Variants in KNTC1 observed in about 807,000 individuals in gnomAD.
The protein encoded by KNTC1 is kinetochore associated 1, also known as kinetochore-associated protein 1.
In KNTC1, 253 loss-of-function variants were observed where a neutral mutation model predicts 314.4. That is an observed-to-expected ratio of 0.80 (90% CI 0.73 to 0.89). The LOEUF is 0.89. Among genes scored for constraint, KNTC1 ranks in the 40% least tolerant of loss-of-function variants. The pLI is 0.00. For missense variants in KNTC1, 2,475 were observed against 2,572.9 expected (o/e 0.96, Z 0.82); for synonymous variants, 901 against 901.4 (o/e 1.00, Z 0.01).
intron 42 of KNTC1, 86 bp from the exon 43 acceptor site, chr12:122,594,190 A>G (rs1273037558): frequency 5.3e-6 from 4 of 753,746 alleles, no homozygotes; most frequent in Non-Finnish European, 9.1e-6. Flanking sequence ...AAGGATACTA[A>G]GAAGGCAAGT....
At chr12:122,552,326 A>G (rs2137784186) in intron 16 of KNTC1, among the ~76,000 whole-genome samples, 2 of 152,248 alleles carry the variant, frequency 1.3e-5, no homozygotes, top group South Asian at 4.2e-4. Flanking sequence ...CCTGCTGATT[A>G]GGTGGGACTA....
chr12:122,584,802 A>G, intron 35 of KNTC1, 91 bp from the exon 36 acceptor site: 2 of 715,564 alleles, frequency 2.8e-6, no homozygotes, highest in East Asian at 2.8e-5. Context: ...GGCCTTCCTT[A>G]GAATTTTAAA....
At chr12:122,591,311 A>G in intron 41 of KNTC1, 26 bp from the exon 42 acceptor site, 1 of 1,168,740 alleles carries the variant, frequency 8.6e-7, no homozygotes, top group Non-Finnish European at 1.3e-6. Flanking sequence ...TTACGATTGA[A>G]CTTTAATTCT....
chr12:122,595,150 A>G (rs968257024), intron 43 of KNTC1, among the ~76,000 whole-genome samples: 2 of 152,376 alleles, frequency 1.3e-5, no homozygotes, highest in African/African-American at 4.8e-5. Context: ...TACTGGGATT[A>G]TAGGCGTGAG....
intron 9 of KNTC1, 45 bp from the exon 10 acceptor site, chr12:122,546,577 A>T: frequency 8.2e-7 from 1 of 1,224,198 alleles, no homozygotes; most frequent in Non-Finnish European, 1.2e-6. Context: ...AGATATATGA[A>T]ATATTGAAAT....
intron 3 of KNTC1, among the ~76,000 whole-genome samples, chr12:122,537,125 C>T (rs531612456): frequency 2.0e-5 from 3 of 152,278 alleles, no homozygotes; most frequent in African/African-American, 7.2e-5. Flanking sequence ...TCCCTCTTTG[C>T]TTTGTTTTCT....
chr12:122,530,323 T>C lies in KNTC1; in HGVS notation c.129+131T>C. 4 of 758,756 alleles carry C rather than the reference T, an allele frequency of 5.3e-6. No homozygotes were observed. In the South Asian group the frequency reaches 8.1e-5, roughly 15 times the overall value. The allele number at this position is 758,756 out of a possible 1,614,324, so 47.0% of individuals were successfully genotyped here. A position where few individuals can be genotyped will look rare whatever the true frequency, so the allele number is the denominator to read the frequency against. On this transcript the variant is annotated intron_variant, in intron 2 of 63. Transcript: ENST00000333479. ...CAGGGAATCAAGATTCAATCTCAGA[T>C]TGCTAGAAATTCACGTCTGAATACC...
chr12:122,577,600 A>G, intron 30 of KNTC1, 72 bp from the exon 31 acceptor site: 1 of 1,385,810 alleles, frequency 7.2e-7, no homozygotes, highest in Non-Finnish European at 9.6e-7. Context: ...TAAATAGAAA[A>G]GAAAGAGGTA....
Position 122,594,383 on chromosome 12 carries a change from C to T in KNTC1, c.4353C>T (p.Cys1451=). Residue 1451 remains cysteine (C), a splice_region_variant and synonymous_variant, in exon 43 of 64, where the codon TGC becomes TGT. Coordinates refer to ENST00000333479, the MANE Select transcript of KNTC1 (RefSeq NM_014708.6). Reference sequence around the variant, plus strand: ...ACACAAGCCTCATTTTGGAATATTGCAGGTAATTCTTTAAACATTAACGGT... The same window carrying T: ...ACACAAGCCTCATTTTGGAATATTGTAGGTAATTCTTTAAACATTAACGGT... ...DMDTSLILEY[C]STFQLDCDAV... 1 of 1,510,450 alleles carries T rather than the reference C, an allele frequency of 6.6e-7. No homozygotes were observed. Among genetic ancestry groups the T allele is most frequent in the Non-Finnish European group, 9.2e-7 (1 of 1,091,518 alleles). 93.6% of individuals were successfully genotyped at this position (1,510,450 alleles called of 1,614,324 possible).
Position 122,575,654 on chromosome 12 carries a change from G to A in KNTC1, c.2486+8G>A. 6.4e-7 allele frequency: 1 copy of A among 1,563,472 alleles called. No homozygotes were observed. The highest frequency in any genetic ancestry group is 1.3e-5 in the African/African-American group (1 of 74,108). ...GGAAATGGACCATCCCAAGTAAGAT[G>A]ACTGTCTACGAAACAATGTTGTTAT... is the stretch of plus-strand genomic sequence containing the variant. On this transcript the variant is annotated splice_region_variant and intron_variant, in intron 28 of 63. Transcript: ENST00000333479.
intron 42 of KNTC1, among the ~76,000 whole-genome samples, chr12:122,592,508 A>T (rs1209544863): frequency 2.6e-5 from 4 of 152,174 alleles, no homozygotes; most frequent in Non-Finnish European, 5.9e-5. Flanking sequence ...GGGGACGTGG[A>T]GATTCTTTAT....
At chr12:122,544,495 A>C (rs930428038) in intron 8 of KNTC1, among the ~76,000 whole-genome samples, 1 of 152,138 alleles carries the variant, frequency 6.6e-6, no homozygotes, top group South Asian at 2.1e-4. Context: ...ATTTTTTTCA[A>C]TTATGAGAGC....
intron 3 of KNTC1, among the ~76,000 whole-genome samples, chr12:122,535,925 G>A (rs541839997): frequency 2.9e-5 from 4 of 138,586 alleles, no homozygotes; most frequent in Admixed American, 7.7e-5. Flanking sequence ...AGTCTCTCTC[G>A]CTCTGTCACC....
chr12:122,542,066 A>G lies in KNTC1; in HGVS notation c.462A>G (p.Leu154=). The G allele has an allele frequency of 6.5e-7, 1 of 1,544,760 alleles. No individual in the cohort carries two copies. The highest frequency in any genetic ancestry group is 1.2e-5 in the South Asian group (1 of 84,598). Reference sequence around the variant, plus strand: ...TTTCAATAGGTACCTATTATATGCTACTTCTTACATACAGTGGATTTTTTT... The same window carrying G: ...TTTCAATAGGTACCTATTATATGCTGCTTCTTACATACAGTGGATTTTTTT... ...DGSNEGTYYM[L]LLTYSGFFCI... is the part of the protein sequence containing the mutation. Residue 154 remains leucine, a synonymous_variant, in exon 6 of 64, where the codon CTA becomes CTG. Transcript: ENST00000333479.
intron 53 of KNTC1, among the ~76,000 whole-genome samples, chr12:122,612,170 A>G (rs939099532): frequency 2.0e-5 from 3 of 151,428 alleles, no homozygotes; most frequent in African/African-American, 7.3e-5. Context: ...GGTTCAAGCA[A>G]TTCTCCTGCC....
intron 2 of KNTC1, among the ~76,000 whole-genome samples, chr12:122,530,756 A>G (rs1276383076): frequency 1.3e-5 from 2 of 152,148 alleles, no homozygotes; most frequent in African/African-American, 4.8e-5. Flanking sequence ...CGGCATACAA[A>G]GAATATCTAC....
In KNTC1 at chr12:122,580,729, CCTT is replaced by C. The variant is rs1288408119; in HGVS notation, c.2982+60_2982+62del. ...TTGACCAATCAGTGCATTTTTCCCT[CCTT>C]AAAGTTTTCTGTATGGCTGGGCGCA... On this transcript the variant is annotated intron_variant, in intron 33 of 63. Coordinates refer to ENST00000333479, the MANE Select transcript of KNTC1 (RefSeq NM_014708.6). 6 of 1,214,130 alleles carry C rather than the reference CCTT, an allele frequency of 4.9e-6. No individual in the cohort carries two copies. The African/African-American group carries it at 6.2e-5, about 12-fold the overall frequency. 75.2% of individuals were successfully genotyped at this position (1,214,130 alleles called of 1,614,324 possible).
Position 122,626,212 on chromosome 12 carries a change from T to G in KNTC1, c.6614T>G (p.Leu2205Arg), listed in dbSNP as rs1411599369. 1 of 1,589,224 alleles carries G rather than the reference T, an allele frequency of 6.3e-7. No individual in the cohort carries two copies. The highest frequency in any genetic ancestry group is 8.6e-7 in the Non-Finnish European group (1 of 1,162,672). Residue 2205 changes from leucine to arginine, a missense_variant, in exon 64 of 64, where the codon CTT becomes CGT. Transcript: ENST00000333479. ...GTGTTTCTTCCCATTTAGATGTTTC[T>G]TAGTGGATTATCGTAAATCACTGAA... ...TAPCEILKMF[L>R]SGLS
intron 16 of KNTC1, among the ~76,000 whole-genome samples, chr12:122,555,102 T>TA (rs768761678): frequency 3.1e-4 from 47 of 152,336 alleles, no homozygotes; most frequent in Admixed American, 5.2e-4. Context: ...TCAGACACGT[T>TA]ACTTAACCTT....
Sources: allele counts gnomAD v4.1 joint callset (sites outside exome capture counted in the v4.1 genomes callset), GRCh38; gene constraint gnomAD v4.1.1; transcripts MANE v1.5; gene names NCBI Gene and HGNC (gene_info 2026-07-23, HGNC 2026-07-21).